SLC35F3: variants seen among roughly 807,000 people sequenced by gnomAD.
The protein encoded by SLC35F3 is putative thiamine transporter SLC35F3.
Under a neutral mutation model 49.9 loss-of-function variants are expected in SLC35F3, and 25 were observed. The ratio of observed to expected loss-of-function variants is 0.50; its 90% CI spans 0.37 to 0.70. The LOEUF (loss-of-function observed/expected upper bound fraction) is 0.70. SLC35F3 is among the 30% of genes least tolerant of loss of function. The pLI, the probability that SLC35F3 is intolerant of heterozygous loss-of-function variation, is 0.00. For missense variants in SLC35F3, 525 were observed against 639.8 expected, an observed-to-expected ratio of 0.82 and a Z score of 1.94; for synonymous variants, 275 against 265.4, an observed-to-expected ratio of 1.04 and a Z score of -0.35.
intron 2 of SLC35F3, among the ~76,000 whole-genome samples, chr1:233,984,666 G>A (rs182602169): frequency 6.4e-4 from 98 of 152,262 alleles, no homozygotes; most frequent in Admixed American, 2.0e-3. Flanking sequence ...TGTTGTCTCT[G>A]GCTCGTGAGT....
intron 2 of SLC35F3, among the ~76,000 whole-genome samples, chr1:234,014,326 A>G (rs914538891): frequency 2.6e-5 from 4 of 152,196 alleles, no homozygotes; most frequent in Non-Finnish European, 5.9e-5. Context: ...GATGTAGAAG[A>G]AATAATCTAC....
intron 2 of SLC35F3, among the ~76,000 whole-genome samples, chr1:234,171,953 C>G (rs985988014): frequency 3.0e-4 from 45 of 152,066 alleles, no homozygotes; most frequent in African/African-American, 1.1e-3. Context: ...ATCCCCCTCA[C>G]CCCCCACCGC....
At chr1:234,251,697 G>T (rs949986066) in intron 3 of SLC35F3, among the ~76,000 whole-genome samples, 1 of 152,110 alleles carries the variant, frequency 6.6e-6, no homozygotes, top group African/African-American at 2.4e-5. Flanking sequence ...GCAATAGGGA[G>T]AACTAGCTGT....
At chr1:234,051,851 C>G (rs974433873) in intron 2 of SLC35F3, among the ~76,000 whole-genome samples, 2 of 152,062 alleles carry the variant, frequency 1.3e-5, no homozygotes, top group African/African-American at 2.4e-5. Context: ...TCGCATGAAG[C>G]ACTGTTGAAT....
At chr1:234,198,497 C>T (rs1202490069) in intron 2 of SLC35F3, among the ~76,000 whole-genome samples, 1 of 152,176 alleles carries the variant, frequency 6.6e-6, no homozygotes, top group Non-Finnish European at 1.5e-5. Context: ...AAGTGGATTT[C>T]CACCAGCAGT....
chr1:234,144,032 C>A (rs944633519), intron 2 of SLC35F3, among the ~76,000 whole-genome samples: 22 of 152,152 alleles, frequency 1.4e-4, no homozygotes, highest in African/African-American at 5.3e-4. Context: ...TGTCCCACTG[C>A]CTGCCACTGC....
At chr1:233,943,395 C>T (rs1170903211) in intron 2 of SLC35F3, among the ~76,000 whole-genome samples, 1 of 152,210 alleles carries the variant, frequency 6.6e-6, no homozygotes, top group Admixed American at 6.5e-5. Context: ...TCAGTCAATA[C>T]ACAAATCATG....
At chr1:234,282,016 G>A (rs1374095475) in intron 3 of SLC35F3, among the ~76,000 whole-genome samples, 1 of 152,116 alleles carries the variant, frequency 6.6e-6, no homozygotes, top group African/African-American at 2.4e-5. Context: ...CCCCTGGTAC[G>A]TCTTGTGAAG....
chr1:234,147,306 G>GA (rs1240573449), intron 2 of SLC35F3, among the ~76,000 whole-genome samples: 19 of 142,604 alleles, frequency 1.3e-4, no homozygotes, highest in African/African-American at 5.0e-4. Context: ...ACATCTCTTA[G>GA]CTTTCTTTTA....
chr1:233,968,207 T>C (rs1364890375), intron 2 of SLC35F3, among the ~76,000 whole-genome samples: 2 of 152,264 alleles, frequency 1.3e-5, no homozygotes, highest in East Asian at 3.9e-4. Flanking sequence ...CATCTTCATA[T>C]CTCCCTGAGT....
chr1:233,974,460 T>A (rs1158172595), intron 2 of SLC35F3, among the ~76,000 whole-genome samples: 2 of 152,070 alleles, frequency 1.3e-5, no homozygotes, highest in Admixed American at 1.3e-4. Context: ...GGGATACAGG[T>A]GTGAGCCACC....
chr1:234,248,847 T>A (rs1667688254), intron 3 of SLC35F3, among the ~76,000 whole-genome samples: 1 of 152,178 alleles, frequency 6.6e-6, no homozygotes, highest in Non-Finnish European at 1.5e-5. Flanking sequence ...TCCCTGCCCT[T>A]CCAGAGTCAT....
chr1:233,943,600 C>T (rs915218162), intron 2 of SLC35F3, among the ~76,000 whole-genome samples: 2 of 152,142 alleles, frequency 1.3e-5, no homozygotes, highest in South Asian at 2.1e-4. Flanking sequence ...AAAAATATTT[C>T]GGTCTAGAAC....
intron 4 of SLC35F3, among the ~76,000 whole-genome samples, chr1:234,311,164 A>G (rs898354291): frequency 9.9e-5 from 15 of 152,254 alleles, no homozygotes; most frequent in African/African-American, 3.4e-4. Context: ...TCCGAAGTGC[A>G]TGACCAGTCA....
intron 3 of SLC35F3, among the ~76,000 whole-genome samples, chr1:234,303,660 C>T (rs922233790): frequency 2.0e-5 from 3 of 152,184 alleles, no homozygotes; most frequent in East Asian, 1.9e-4. Context: ...AATGTTAATG[C>T]GTTGTGCCAT....
chr1:234,040,740 G>A (rs998934665), intron 2 of SLC35F3, among the ~76,000 whole-genome samples: 3 of 152,238 alleles, frequency 2.0e-5, no homozygotes, highest in Non-Finnish European at 2.9e-5. Flanking sequence ...GATGGAGTAG[G>A]AGAGAATTAC....
chr1:234,169,364 G>A (rs1666364303), intron 2 of SLC35F3, among the ~76,000 whole-genome samples: 1 of 152,312 alleles, frequency 6.6e-6, no homozygotes, highest in East Asian at 1.9e-4. Flanking sequence ...TTCAGTGTAG[G>A]AGTCATCATG....
At chr1:234,317,584 A>AT (rs1050734274) in intron 5 of SLC35F3, among the ~76,000 whole-genome samples, 22 of 152,246 alleles carry the variant, frequency 1.4e-4, no homozygotes, top group Admixed American at 4.6e-4. Flanking sequence ...AAGAAAAGGC[A>AT]TTTTTTTCCC....
Position 233,944,281 on chromosome 1 carries a change from CT to C in SLC35F3, c.283+38524del, listed in dbSNP as rs1662478372. Among the ~76,000 whole-genome samples the C allele has an allele frequency of 4.6e-5, 7 of 152,236 alleles. No homozygotes were observed. The South Asian group carries it at 1.5e-3, about 32-fold the overall frequency. On this transcript the variant is annotated intron_variant, in intron 2 of 7. Coordinates refer to ENST00000366618, the MANE Select transcript of SLC35F3 (RefSeq NM_173508.4). Reference sequence around the variant, plus strand: ...TTTTTGAAAAAAGTAATAAAATAGACTGCTAGCTGTAATGTTTTAAAGCCTT... The same window carrying C: ...TTTTTGAAAAAAGTAATAAAATAGACGCTAGCTGTAATGTTTTAAAGCCTT...
Sources: gnomAD v4.1 joint callset for allele counts (sites outside exome capture counted in the v4.1 genomes callset) on GRCh38, gnomAD v4.1.1 for gene constraint, MANE v1.5 for transcripts, NCBI Gene and HGNC (gene_info 2026-07-23, HGNC 2026-07-21) for gene names.